The following ARSG variants were observed in gnomAD, a reference collection of about 807,000 sequenced individuals.
ARSG encodes ASG.
ARSG carries 37 observed loss-of-function variants against 50.5 expected under a neutral mutation model. The ratio of observed to expected loss-of-function variants is 0.73; its 90% CI spans 0.56 to 0.96. The LOEUF (loss-of-function observed/expected upper bound fraction) is 0.96. ARSG is among the 50% of genes least tolerant of loss of function. The probability of loss-of-function intolerance (pLI) is 0.00; values close to 1 mark genes in which losing one functional copy is unlikely to be tolerated. For synonymous variants in ARSG, 225 were observed against 254.6 expected, an observed-to-expected ratio of 0.88 and a Z score of 1.11; for missense variants, 629 against 675.3, an observed-to-expected ratio of 0.93 and a Z score of 0.76.
At chr17:68,370,780 C>T (rs896855858) in intron 8 of ARSG, among the ~76,000 whole-genome samples, 6 of 152,162 alleles carry the variant, frequency 3.9e-5, no homozygotes, top group Non-Finnish European at 7.4e-5. Context: ...GACCAGCCCT[C>T]CACCCAACGA....
chr17:68,352,092 A>AGAGAGAGAGAGAGAGAGACAGAG (rs1568506450), intron 5 of ARSG, among the ~76,000 whole-genome samples: 25 of 104,596 alleles, frequency 2.4e-4, no homozygotes, highest in African/African-American at 5.3e-4. Flanking sequence ...GACAGAGGAG[A>AGAGAGAGAGAGAGAGAGACAGAG]GAGAGAGAGA....
chr17:68,295,033 G>A (rs1555757634), intron 1 of ARSG, among the ~76,000 whole-genome samples: 2 of 152,170 alleles, frequency 1.3e-5, no homozygotes, highest in Non-Finnish European at 2.9e-5. Flanking sequence ...GAATTAACAC[G>A]TGCAAGGGGC....
At chr17:68,359,975 G>A (rs1166047036) in intron 6 of ARSG, among the ~76,000 whole-genome samples, 2 of 152,200 alleles carry the variant, frequency 1.3e-5, no homozygotes, top group African/African-American at 2.4e-5. Context: ...CATGGCACGT[G>A]GATGCTTCAA....
chr17:68,420,084 T>C, intron 11 of ARSG, 105 bp from the exon 12 acceptor site: 1 of 1,313,308 alleles, frequency 7.6e-7, no homozygotes, highest in Non-Finnish European at 1.1e-6. Flanking sequence ...AACATTTGGT[T>C]ATCTGGTATG....
rs368167455 is a variant in ARSG, at chr17:68,370,496, C to G, written c.954C>G (p.Pro318=). ...QKCELAGSVG[P]FTGFWQTRQG... is the part of the protein sequence containing the mutation. Reference sequence around the variant, plus strand: ...GTGAGCTAGCGGGCAGTGTGGGTCCCTTCACTGGATTTTGGCAAACTCGTC... The same window carrying G: ...GTGAGCTAGCGGGCAGTGTGGGTCCGTTCACTGGATTTTGGCAAACTCGTC... Residue 318 remains proline, a synonymous_variant, in exon 8 of 12, where the codon CCC becomes CCG. Coordinates refer to ENST00000621439, the MANE Select transcript of ARSG (RefSeq NM_001267727.2). 1.1e-5 allele frequency: 18 copies of G among 1,613,918 alleles called. No individual in the cohort carries two copies. The highest frequency in any genetic ancestry group is 1.4e-5 in the Non-Finnish European group (17 of 1,180,000).
At chr17:68,450,908 A>C in the ARSG span, 5 of 1,609,356 alleles carry the variant, frequency 3.1e-6, no homozygotes, top group Non-Finnish European at 4.2e-6. Context: ...CTGGGAGGAA[A>C]AGCAGCCGGG....
chr17:68,333,864 T>A (rs939063098), intron 2 of ARSG, among the ~76,000 whole-genome samples: 37 of 152,126 alleles, frequency 2.4e-4, no homozygotes, highest in Admixed American at 2.0e-3. Context: ...ACCAGCCACA[T>A]CCACATCCTG....
rs1329973321 is a variant in ARSG at position 68,401,407 on chromosome 17, G to T, written c.1260G>T (p.Leu420=). ...NSGAAGEFGA[L]QTVRLERYKA... Reference sequence around the variant, plus strand: ...GGGCAGCTGGAGAGTTTGGAGCCCTGCAGACTGTCCGCCTGGAGCGTTACA... The same window carrying T: ...GGGCAGCTGGAGAGTTTGGAGCCCTTCAGACTGTCCGCCTGGAGCGTTACA... The change falls in exon 11 of 12, where the codon CTG becomes CTT. Residue 420 remains leucine, a synonymous_variant. Coordinates refer to ENST00000621439, the MANE Select transcript of ARSG (RefSeq NM_001267727.2). 1 of 1,614,078 alleles carries T rather than the reference G, an allele frequency of 6.2e-7. No homozygotes were observed. Among genetic ancestry groups the T allele is most frequent in the Admixed American group, 1.7e-5 (1 of 60,026 alleles).
At chr17:68,310,452 G>T (rs985363834) in intron 2 of ARSG, among the ~76,000 whole-genome samples, 3 of 152,224 alleles carry the variant, frequency 2.0e-5, no homozygotes, top group African/African-American at 4.8e-5. Flanking sequence ...AGGAGCCTAT[G>T]CATCTGATGA....
In ARSG at chr17:68,405,358, T is replaced by C. The variant is rs143417214; in HGVS notation, c.1303+3908T>C. Among the ~76,000 whole-genome samples, 724 of 152,308 alleles carry C rather than the reference T, an allele frequency of 4.8e-3. 7 individuals carry two copies. Among genetic ancestry groups the C allele is most frequent in the African/African-American group, 0.017 (692 of 41,582 alleles). ...AACCATTTGTTTATGTCTTCTTTAA[T>C]GTCTTTCAGCTATATTTTATGGTTT... is the stretch of plus-strand genomic sequence containing the variant. On this transcript the variant is annotated intron_variant, in intron 11 of 11. Coordinates refer to ENST00000621439, the MANE Select transcript of ARSG (RefSeq NM_001267727.2).
At chr17:68,309,246 G>C (rs568714239) in intron 2 of ARSG, among the ~76,000 whole-genome samples, 30 of 152,234 alleles carry the variant, frequency 2.0e-4, no homozygotes, top group Admixed American at 3.9e-4. Context: ...AACTCCAGCT[G>C]GCCCACAAGC....
In ARSG at chr17:68,271,731, G is replaced by T; in HGVS notation, c.-552+12305G>T. 9.0e-7 allele frequency: 1 copy of T among 1,107,396 alleles called. No individual in the cohort carries two copies. Among genetic ancestry groups the T allele is most frequent in the Non-Finnish European group, 1.3e-6 (1 of 772,098 alleles). 68.6% of individuals were successfully genotyped at this position (1,107,396 alleles called of 1,614,324 possible). ...AAGACCCAGGAGAAGCCATCAAGAA[G>T]AAATATGGATCCAGATTTTGTTATA... On this transcript the variant is annotated intron_variant, in intron 1 of 11. Transcript: ENST00000448504. The surrounding 1 kb of genome is among the most constrained non-coding windows in gnomAD (Gnocchi z 5.3).
downstream of ARSG, chr17:68,421,505 C>G: frequency 2.1e-6 from 1 of 473,050 alleles, no homozygotes; most frequent in East Asian, 3.4e-5. Context: ...CGGTTATATA[C>G]CAATATGGTT....
At chr17:68,441,372 AGTCAAAATGCATT>A in the ARSG span, among the ~76,000 whole-genome samples, 1 of 152,258 alleles carries the variant, frequency 6.6e-6, no homozygotes, top group Non-Finnish European at 1.5e-5. Context: ...TAGTTTATGA[AGTCAAAATGCATT>A]CAGGATTTGT....
chr17:68,288,671 C>T (rs1480419432), upstream of ARSG, among the ~76,000 whole-genome samples: 1 of 152,150 alleles, frequency 6.6e-6, no homozygotes, highest in Non-Finnish European at 1.5e-5. Flanking sequence ...CTCTTCCTGC[C>T]CTAATAGTCT....
rs1336799654 is a variant in ARSG at position 68,378,478 on chromosome 17, A to C, written c.983-6586A>C. Among the ~76,000 whole-genome samples the C allele has an allele frequency of 1.3e-5, 2 of 152,200 alleles. No individual in the cohort carries two copies. Among genetic ancestry groups the C allele is most frequent in the Admixed American group, 6.5e-5 (1 of 15,272 alleles). ...TTCACCCCGTGCGTGTGGACTGAGA[A>C]TGCTCCACTTGGCTTGTGCCCTGCA... On this transcript the variant is annotated intron_variant, in intron 8 of 11. Transcript: ENST00000621439. This position sits in a 1 kb window ranked among gnomAD's most constrained non-coding sequence, Gnocchi z 4.4.
intron 11 of ARSG, among the ~76,000 whole-genome samples, chr17:68,405,581 T>C (rs1197960139): frequency 1.3e-5 from 2 of 152,184 alleles, no homozygotes; most frequent in Non-Finnish European, 2.9e-5. Flanking sequence ...TTATGTGGAA[T>C]ATTTAGGTTT....
chr17:68,412,361 A>C (rs914178124), intron 11 of ARSG, among the ~76,000 whole-genome samples: 189 of 151,996 alleles, frequency 1.2e-3, no homozygotes, highest in African/African-American at 4.6e-3. Flanking sequence ...AAAGTATTTT[A>C]TTTCTCCTTC....
At chr17:68,321,967 GA>G (rs1329887797) in intron 2 of ARSG, among the ~76,000 whole-genome samples, 12 of 152,090 alleles carry the variant, frequency 7.9e-5, no homozygotes, top group African/African-American at 2.9e-4. Context: ...CCAGGAGGGG[GA>G]AAAAAGGTGA....
Sources: allele counts gnomAD v4.1 joint callset (sites outside exome capture counted in the v4.1 genomes callset), GRCh38; gene constraint gnomAD v4.1.1; non-coding constraint Gnocchi (gnomAD v3.1); transcripts MANE v1.5; gene names NCBI Gene and HGNC (gene_info 2026-07-23, HGNC 2026-07-21).